BTBD7: variants seen among roughly 807,000 people sequenced by gnomAD.
BTBD7 encodes the protein BTB domain containing 7, also known as BTB/POZ domain-containing protein 7.
In BTBD7, 38 loss-of-function variants were observed where a neutral mutation model predicts 99.9. That is an observed-to-expected ratio of 0.38 (90% CI 0.29 to 0.50). The LOEUF is 0.50. Among genes scored for constraint, BTBD7 ranks in the 20% least tolerant of loss-of-function variants. The pLI, the probability that BTBD7 is intolerant of heterozygous loss-of-function variation, is 0.93. For missense variants in BTBD7, 1,170 were observed against 1,394.6 expected, an observed-to-expected ratio of 0.84 and a Z score of 2.57; for synonymous variants, 520 against 511.4, an observed-to-expected ratio of 1.02 and a Z score of -0.23.
At chr14:93,260,828 C>A (rs1296624404) in intron 5 of BTBD7, among the ~76,000 whole-genome samples, 1 of 152,210 alleles carries the variant, frequency 6.6e-6, no homozygotes, top group Non-Finnish European at 1.5e-5. Context: ...GCTGGGATTA[C>A]AGGCGTGAGC....
At position 93,290,086 on chromosome 14, in the gene BTBD7, C is replaced by T. The variant is rs1401628688; in HGVS notation, c.1162+3772G>A. ...CAGGCTGGTCTCGAACTCCTGACTT[C>T]AGGTGATCCGCCTGCCTTGGCCTCC... On this transcript the variant is annotated intron_variant, in intron 3 of 10. Transcript: ENST00000334746. Among the ~76,000 whole-genome samples, 4 of 152,092 alleles carry T rather than the reference C, an allele frequency of 2.6e-5. No homozygotes were observed. The East Asian group carries it at 7.7e-4, about 29-fold the overall frequency.
chr14:93,266,192 A>C (rs1404179891), intron 3 of BTBD7, among the ~76,000 whole-genome samples: 1 of 152,106 alleles, frequency 6.6e-6, no homozygotes, highest in African/African-American at 2.4e-5. Flanking sequence ...GAATGAATGC[A>C]AAATGTGACA....
Position 93,251,653 on chromosome 14 carries a change from C to T in BTBD7, c.1753-1G>A. On this transcript the variant is annotated splice_acceptor_variant, in intron 7 of 10. Coordinates refer to ENST00000334746, the MANE Select transcript of BTBD7 (RefSeq NM_001002860.4). LOFTEE classifies it high-confidence loss of function. ...CCACCATCATCTCATCTAGCACTGA[C>T]TGAAATAATCATTCAGTATTAACAA... is the stretch of plus-strand genomic sequence containing the variant. The T allele has an allele frequency of 6.3e-7, 1 of 1,575,330 alleles. No individual in the cohort carries two copies. Among genetic ancestry groups the T allele is most frequent in the East Asian group, 2.3e-5 (1 of 44,196 alleles).
chr14:93,264,808 C>T (rs1322132761), intron 3 of BTBD7, among the ~76,000 whole-genome samples: 2 of 152,148 alleles, frequency 1.3e-5, no homozygotes, highest in East Asian at 1.9e-4. Context: ...GGTGTTTAAA[C>T]ACCACCACCA....
At chr14:93,249,036 G>A (rs1566835100) in intron 8 of BTBD7, among the ~76,000 whole-genome samples, 2 of 151,932 alleles carry the variant, frequency 1.3e-5, no homozygotes, top group Admixed American at 6.6e-5. Flanking sequence ...TTGGATATTA[G>A]GGTGCACAGA....
In BTBD7 at chr14:93,242,060, A is replaced by C; in HGVS notation, c.*213T>G. ...AAAATGCCTCCCGACATAATTGTTC[A>C]AAGACAAATTAGACAGATGCAACAT... On this transcript the variant is annotated 3_prime_UTR_variant, in exon 11 of 11. Coordinates refer to ENST00000334746, the MANE Select transcript of BTBD7 (RefSeq NM_001002860.4). The C allele has an allele frequency of 1.9e-6, 1 of 530,238 alleles. No homozygotes were observed. The highest frequency in any genetic ancestry group is 3.3e-6 in the Non-Finnish European group (1 of 303,714). 32.8% of individuals were successfully genotyped at this position (530,238 alleles called of 1,614,324 possible). A position where few individuals can be genotyped will look rare whatever the true frequency, so the allele number is the denominator to read the frequency against.
rs997435418 is a variant in BTBD7 at position 93,240,084 on chromosome 14, ACTT to A, written c.*2186_*2188del. The A allele has an allele frequency of 3.9e-5, 6 of 152,148 alleles. No homozygotes were observed. Among genetic ancestry groups the A allele is most frequent in the African/African-American group, 1.4e-4 (6 of 41,420 alleles). The allele number at this position is 152,148 out of a possible 1,614,324, so 9.4% of individuals were successfully genotyped here. ...GACACCGTCTTCTATTATGAGTCAA[ACTT>A]CTTACAAATGAGAACAGAGGCCTAT... On this transcript the variant is annotated 3_prime_UTR_variant, in exon 11 of 11. Transcript: ENST00000334746.
At chr14:93,259,238 T>C (rs1299728508) in intron 5 of BTBD7, among the ~76,000 whole-genome samples, 1 of 152,198 alleles carries the variant, frequency 6.6e-6, no homozygotes, top group East Asian at 1.9e-4. Context: ...TTATTAACAC[T>C]AACCTCACAA....
intron 1 of BTBD7, among the ~76,000 whole-genome samples, chr14:93,317,612 G>A (rs185695278): frequency 6.6e-6 from 1 of 152,254 alleles, no homozygotes; most frequent in African/African-American, 2.4e-5. Flanking sequence ...TTCAGAAACA[G>A]CAAAAGGTAC....
intron 3 of BTBD7, among the ~76,000 whole-genome samples, chr14:93,277,846 T>C (rs1414058592): frequency 6.6e-6 from 1 of 152,174 alleles, no homozygotes; most frequent in Non-Finnish European, 1.5e-5. Flanking sequence ...GTCAAACACC[T>C]ATAATGAGAA....
chr14:93,288,409 CTA>C, intron 3 of BTBD7: 6 of 652,466 alleles, frequency 9.2e-6, no homozygotes, highest in African/African-American at 3.6e-5. Flanking sequence ...TTCATTTCTG[CTA>C]TCTTATTTCT....
chr14:93,261,564 C>T (rs1362900550), intron 5 of BTBD7, 38 bp downstream of exon 5: 2 of 1,490,776 alleles, frequency 1.3e-6, no homozygotes, highest in Non-Finnish European at 1.9e-6. Flanking sequence ...CCAAATTTTA[C>T]ACAAGGTAAC....
intron 1 of BTBD7, among the ~76,000 whole-genome samples, chr14:93,331,382 T>C (rs994434262): frequency 6.6e-6 from 1 of 152,180 alleles, no homozygotes; most frequent in East Asian, 1.9e-4. Context: ...CTGGGTCTGG[T>C]TTCCCGGCTC....
chr14:93,323,615 T>A (rs113999584), intron 1 of BTBD7, among the ~76,000 whole-genome samples: 1,736 of 152,304 alleles, frequency 0.011, 33 homozygotes, highest in African/African-American at 0.039. Context: ...TAATTCACAA[T>A]TGAATCCCAG....
At chr14:93,254,853 T>TA (rs980494881) in intron 6 of BTBD7, among the ~76,000 whole-genome samples, 4 of 152,214 alleles carry the variant, frequency 2.6e-5, no homozygotes, top group Non-Finnish European at 5.9e-5. Flanking sequence ...GTTGGGGACT[T>TA]ACGATGTGTT....
chr14:93,275,821 A>G (rs565761337), intron 3 of BTBD7, among the ~76,000 whole-genome samples: 240 of 152,322 alleles, frequency 1.6e-3, no homozygotes, highest in Non-Finnish European at 2.9e-3. Flanking sequence ...ACCTTATAGG[A>G]CCACTGTTGT....
At chr14:93,244,163 G>T in intron 10 of BTBD7, 1 of 451,614 alleles carries the variant, frequency 2.2e-6, no homozygotes, top group South Asian at 1.7e-5. Context: ...GGGCAGACTA[G>T]GCTGATTTTC....
chr14:93,299,185 T>C (rs186607832), intron 1 of BTBD7, among the ~76,000 whole-genome samples: 18 of 152,340 alleles, frequency 1.2e-4, no homozygotes, highest in Non-Finnish European at 2.4e-4. Context: ...CAGAGCCTGA[T>C]GGGTAACCCT....
chr14:93,284,659 T>A (rs1191664018), intron 3 of BTBD7, among the ~76,000 whole-genome samples: 1 of 152,116 alleles, frequency 6.6e-6, no homozygotes, highest in East Asian at 1.9e-4. Flanking sequence ...ACCTAGGTAA[T>A]TTCAAAACAA....
Sources: gnomAD v4.1 joint callset for allele counts (sites outside exome capture counted in the v4.1 genomes callset) on GRCh38, gnomAD v4.1.1 for gene constraint, MANE v1.5 for transcripts, NCBI Gene and HGNC (gene_info 2026-07-23, HGNC 2026-07-21) for gene names.